Variants in GRM8 observed in about 807,000 individuals in gnomAD.
GRM8 encodes glutamate metabotropic receptor 8, also known as metabotropic glutamate receptor 8.
In GRM8, 47 loss-of-function variants were observed where a neutral mutation model predicts 87.2. The observed-to-expected ratio is 0.54, with a 90% confidence interval of 0.43 to 0.69. The LOEUF is 0.69. GRM8 is among the 30% of genes least tolerant of loss of function. The pLI, the probability that GRM8 is intolerant of heterozygous loss-of-function variation, is 0.00. For synonymous variants in GRM8, 396 were observed against 404.5 expected (o/e 0.98, Z 0.25); for missense variants, 1,019 against 1,139.2 (o/e 0.89, Z 1.52).
intron 3 of GRM8, among the ~76,000 whole-genome samples, chr7:127,039,458 T>G (rs1818147132): frequency 1.3e-5 from 2 of 151,900 alleles, no homozygotes; most frequent in African/African-American, 4.8e-5. Flanking sequence ...GAAAACGAAT[T>G]TCTGTTCCTT....
intron 3 of GRM8, among the ~76,000 whole-genome samples, chr7:127,021,212 C>T (rs2132217686): frequency 6.6e-6 from 1 of 152,054 alleles, no homozygotes. Context: ...ACTCTGAAGT[C>T]TTGGCTTCCA....
At chr7:127,060,242 T>C (rs1239808739) in intron 3 of GRM8, among the ~76,000 whole-genome samples, 3 of 152,302 alleles carry the variant, frequency 2.0e-5, no homozygotes, top group South Asian at 2.1e-4. Context: ...AGAGCAATTA[T>C]TTAAACTTGA....
intron 7 of GRM8, among the ~76,000 whole-genome samples, chr7:126,751,246 C>A (rs1473630841): frequency 1.3e-5 from 2 of 151,852 alleles, no homozygotes; most frequent in Non-Finnish European, 2.9e-5. Flanking sequence ...CATCAATAGT[C>A]AACAGAAGAG....
intron 2 of GRM8, among the ~76,000 whole-genome samples, chr7:127,205,706 G>T (rs1476911264): frequency 6.6e-6 from 1 of 152,134 alleles, no homozygotes; most frequent in Non-Finnish European, 1.5e-5. Context: ...TCCCCCACCT[G>T]CTAATATTAC....
At chr7:126,711,422 T>C (rs1393635769) in intron 7 of GRM8, among the ~76,000 whole-genome samples, 2 of 152,190 alleles carry the variant, frequency 1.3e-5, no homozygotes, top group African/African-American at 2.4e-5. Flanking sequence ...CAGTAAATCA[T>C]GCTATAAACA....
chr7:126,484,764 A>G (rs904363006), intron 9 of GRM8, among the ~76,000 whole-genome samples: 9 of 152,064 alleles, frequency 5.9e-5, no homozygotes, highest in African/African-American at 2.2e-4. Flanking sequence ...GTGACCTTAA[A>G]ATGTGAGAGC....
At chr7:126,584,534 G>A (rs1000180609) in intron 8 of GRM8, among the ~76,000 whole-genome samples, 8 of 152,292 alleles carry the variant, frequency 5.3e-5, no homozygotes, top group Non-Finnish European at 1.0e-4. Context: ...ATTTTAGATG[G>A]CACAGCAGAA....
At chr7:126,946,395 G>A (rs1807543073) in intron 3 of GRM8, among the ~76,000 whole-genome samples, 1 of 152,146 alleles carries the variant, frequency 6.6e-6, no homozygotes, top group Non-Finnish European at 1.5e-5. Context: ...GAGCTACTTG[G>A]GAGACTGAGA....
intron 3 of GRM8, among the ~76,000 whole-genome samples, chr7:127,047,586 T>A (rs1478287739): frequency 6.6e-6 from 1 of 152,122 alleles, no homozygotes; most frequent in Non-Finnish European, 1.5e-5. Flanking sequence ...TCCAGCACTT[T>A]AGGAGGCTGA....
In GRM8 at chr7:126,524,079, A is replaced by G. The variant is rs141654765; in HGVS notation, c.2430+8873T>C. Among the ~76,000 whole-genome samples the G allele has an allele frequency of 9.8e-3, 1,493 of 152,286 alleles. 23 individuals are homozygous for G. The highest frequency in any genetic ancestry group is 0.034 in the African/African-American group (1,399 of 41,550). On this transcript the variant is annotated intron_variant, in intron 9 of 10. Transcript: ENST00000339582. ...CAGAAAAGGAGTAAGCATAATTATT[A>G]AAATCCTGGTTTTTAAAGGATTATG...
chr7:126,546,178 C>A (rs1440848809), intron 8 of GRM8, among the ~76,000 whole-genome samples: 1 of 152,120 alleles, frequency 6.6e-6, no homozygotes, highest in Non-Finnish European at 1.5e-5. Flanking sequence ...TCAGATTGTT[C>A]TAATCACTTA....
intron 2 of GRM8, among the ~76,000 whole-genome samples, chr7:127,164,195 G>A (rs1793300204): frequency 1.3e-5 from 2 of 152,036 alleles, no homozygotes; most frequent in African/African-American, 4.8e-5. Context: ...CTCCCCCTTT[G>A]CCTTCCACAA....
intron 7 of GRM8, among the ~76,000 whole-genome samples, chr7:126,758,758 T>C (rs577392832): frequency 6.6e-6 from 1 of 152,334 alleles, no homozygotes; most frequent in Non-Finnish European, 1.5e-5. Context: ...AAGGTGTTTA[T>C]ATGAGTCAAA....
intron 3 of GRM8, among the ~76,000 whole-genome samples, chr7:127,006,128 T>C (rs1269320639): frequency 6.6e-6 from 1 of 151,902 alleles, no homozygotes; most frequent in Non-Finnish European, 1.5e-5. Context: ...GATTTTCCCA[T>C]CACCAAATCT....
intron 7 of GRM8, 59 bp downstream of exon 7, chr7:126,769,806 G>A (rs17150231): frequency 9.1e-7 from 1 of 1,096,208 alleles, no homozygotes; most frequent in East Asian, 2.4e-5. Context: ...CTATATATAG[G>A]AGGAAAAACA....
At chr7:126,866,901 T>G (rs1278208943) in intron 6 of GRM8, among the ~76,000 whole-genome samples, 1 of 152,000 alleles carries the variant, frequency 6.6e-6, no homozygotes, top group Non-Finnish European at 1.5e-5. Flanking sequence ...TGACTCAATT[T>G]TTATATGGTT....
chr7:127,084,358 A>G (rs1287316661), intron 3 of GRM8: 4 of 152,244 alleles, frequency 2.6e-5, no homozygotes, highest in Non-Finnish European at 4.4e-5. Context: ...GAATATTTTA[A>G]GAAAATAAGT....
At chr7:127,120,393 C>G (rs1200913214) in intron 2 of GRM8, among the ~76,000 whole-genome samples, 2 of 152,182 alleles carry the variant, frequency 1.3e-5, no homozygotes, top group Non-Finnish European at 2.9e-5. Flanking sequence ...ACTACAGTAA[C>G]TGTGGTACTA....
chr7:126,537,605 T>C (rs547682476), intron 8 of GRM8, among the ~76,000 whole-genome samples: 3 of 152,096 alleles, frequency 2.0e-5, no homozygotes, highest in Admixed American at 2.0e-4. Flanking sequence ...TAAAACCCTG[T>C]CTCTTCTAAA....
Sources: gnomAD v4.1 joint callset for allele counts (sites outside exome capture counted in the v4.1 genomes callset) on GRCh38, gnomAD v4.1.1 for gene constraint, MANE v1.5 for transcripts, NCBI Gene and HGNC (gene_info 2026-07-23, HGNC 2026-07-21) for gene names.